Variants in DST observed in about 807,000 individuals in gnomAD.
The protein encoded by DST is dystonin, also known as bullous pemphigoid antigen.
In DST, 253 loss-of-function variants were observed where a neutral mutation model predicts 875.2. That is an observed-to-expected ratio of 0.29 (90% CI 0.26 to 0.32). The LOEUF is 0.32. Ranked by LOEUF, DST falls within the 10% of genes least tolerant of loss-of-function variation. The pLI is 1.00. For synonymous variants in DST, 3,124 were observed against 3,197.1 expected, an observed-to-expected ratio of 0.98 and a Z score of 0.77; for missense variants, 8,287 against 9,111.6, an observed-to-expected ratio of 0.91 and a Z score of 3.68.
intron 10 of DST, 24 bp downstream of exon 10, chr6:56,670,617 G>A (rs1358346518): frequency 6.9e-7 from 1 of 1,457,436 alleles, no homozygotes; most frequent in Admixed American, 2.4e-5. Context: ...AGTTGTATAA[G>A]GAAAAAATAC....
At chr6:56,739,507 G>A (rs928086792) in intron 4 of DST, among the ~76,000 whole-genome samples, 1 of 152,122 alleles carries the variant, frequency 6.6e-6, no homozygotes, top group Non-Finnish European at 1.5e-5. Flanking sequence ...TCAGAGGGGT[G>A]TGAACTAGAG....
At chr6:56,611,737 A>G in intron 37 of DST, 141 bp from the exon 38 acceptor site, 1 of 617,238 alleles carries the variant, frequency 1.6e-6, no homozygotes. Flanking sequence ...CCTATCAGTT[A>G]TTAGCAGTCT....
At position 56,917,477 on chromosome 6, in the gene DST, T is replaced by C. The variant is rs552827054; in HGVS notation, c.217-16856A>G. On this transcript the variant is annotated intron_variant, in intron 2 of 103. Transcript: ENST00000680361. ...TCTTTGACAATGCATTACATGGATA[T>C]CTGCATAAACTGTGCATAAGAAGTC... is the stretch of plus-strand genomic sequence containing the variant. Among the ~76,000 whole-genome samples the C allele has an allele frequency of 3.3e-5, 5 of 152,232 alleles. No individual in the cohort carries two copies. In the South Asian group the frequency reaches 1.0e-3, roughly 31 times the overall value.
In DST at chr6:56,459,056, C is replaced by A; in HGVS notation, c.23406G>T (p.Thr7802=). The A allele has an allele frequency of 6.2e-7, 1 of 1,613,866 alleles. No homozygotes were observed. The highest frequency in any genetic ancestry group is 8.5e-7 in the Non-Finnish European group (1 of 1,179,800). ...PSTAKPSKIP[T]PQRKSPASKL... ...TGCTGGCAGGTGATTTCCTCTGGGG[C>A]GTGGGGATTTTTGAAGGCTTCGCTG... Residue 7802 remains threonine (T), a synonymous_variant, in exon 104 of 104, where the codon ACG becomes ACT. Transcript: ENST00000680361.
At position 56,578,455 on chromosome 6, in the gene DST, G is replaced by GATAAAGACCCACTATTGATAA. The variant is rs1291204866; in HGVS notation, c.13027+358_13027+359insTTATCAATAGTGGGTCTTTAT. ...TTCCCACTATTGATAAAGACCCTCA[G>GATAAAGACCCACTATTGATAA]AGATTCTACTTTGGCCTTAAGTTGA... On this transcript the variant is annotated intron_variant, in intron 50 of 103. Transcript: ENST00000680361. 2.7e-4 allele frequency among the ~76,000 whole-genome samples: 41 copies of GATAAAGACCCACTATTGATAA among 152,274 alleles called. 1 individual carries two copies. The East Asian group carries it at 3.3e-3, about 12-fold the overall frequency.
intron 71 of DST, 62 bp downstream of exon 71, chr6:56,517,136 G>T: frequency 1.7e-6 from 2 of 1,207,596 alleles, no homozygotes; most frequent in South Asian, 2.5e-5. Flanking sequence ...TTCTAGGACT[G>T]AAAGCTCAAC....
At chr6:56,882,941 A>T (rs575684806) in intron 3 of DST, among the ~76,000 whole-genome samples, 2 of 152,288 alleles carry the variant, frequency 1.3e-5, no homozygotes, top group African/African-American at 4.8e-5. Flanking sequence ...ATCTCAGCTC[A>T]CTGCAACCTC....
chr6:56,492,795 C>T (rs2095794841), intron 84 of DST, 139 bp downstream of exon 84: 1 of 725,992 alleles, frequency 1.4e-6, no homozygotes, highest in East Asian at 2.9e-5. Flanking sequence ...ATCGCTTGAA[C>T]CGGGAGGCAG....
chr6:56,489,585 T>C lies in DST; in HGVS notation c.20782A>G (p.Met6928Val). Residue 6928 changes from methionine (M) to valine (V), a missense_variant, in exon 86 of 104, where the codon ATG becomes GTG. This residue lies in a region of DST where 1,292 missense variants were observed against 1,552.7 expected (regional missense o/e 0.83). Transcript: ENST00000680361. ...TTTTCTGACTCTTCTAGCCACTCCA[T>C]AAGTTTACTCCAAGCTTCATGGAAC... ...KQFHEAWSKL[M>V]EWLEESEKSL... 1 of 1,612,760 alleles carries C rather than the reference T, an allele frequency of 6.2e-7. No individual in the cohort carries two copies. Among genetic ancestry groups the C allele is most frequent in the Non-Finnish European group, 8.5e-7 (1 of 1,179,300 alleles).
intron 4 of DST, among the ~76,000 whole-genome samples, chr6:56,835,264 G>C (rs1263701780): frequency 6.6e-6 from 1 of 152,152 alleles, no homozygotes; most frequent in Non-Finnish European, 1.5e-5. Context: ...TACAATAATA[G>C]ACACATGATA....
chr6:56,508,118 T>A (rs1448533417), intron 75 of DST, among the ~76,000 whole-genome samples: 1 of 152,106 alleles, frequency 6.6e-6, no homozygotes, highest in Non-Finnish European at 1.5e-5. Context: ...GACTGTAACC[T>A]CCACCTCCCA....
chr6:56,948,731 ACC>A, intron 2 of DST, among the ~76,000 whole-genome samples: 1 of 152,200 alleles, frequency 6.6e-6, no homozygotes, highest in African/African-American at 2.4e-5. Context: ...GCTAGAAGCA[ACC>A]ATTTCACCAG....
At chr6:56,685,120 G>A (rs905683764) in intron 9 of DST, among the ~76,000 whole-genome samples, 2 of 151,950 alleles carry the variant, frequency 1.3e-5, no homozygotes, top group Non-Finnish European at 2.9e-5. Flanking sequence ...TAACCAAAAT[G>A]AGCTTCAAAA....
intron 63 of DST, among the ~76,000 whole-genome samples, chr6:56,533,448 AT>A (rs1021381332): frequency 2.0e-5 from 3 of 152,218 alleles, no homozygotes; most frequent in Non-Finnish European, 2.9e-5. Context: ...CTAAAAGAGT[AT>A]TTTGAGATCA....
At chr6:56,874,310 G>A (rs377294518) in intron 3 of DST, among the ~76,000 whole-genome samples, 1 of 152,088 alleles carries the variant, frequency 6.6e-6, no homozygotes, top group East Asian at 1.9e-4. Context: ...CTTCTCTCCT[G>A]CCTGGGCATC....
chr6:56,847,929 T>C (rs1165323313), intron 4 of DST, among the ~76,000 whole-genome samples: 1 of 152,254 alleles, frequency 6.6e-6, no homozygotes, highest in Admixed American at 6.5e-5. Context: ...GAGGGCACCA[T>C]ACTGCAAGTA....
In DST at chr6:56,505,334, G is replaced by A. The variant is rs1209539509; in HGVS notation, c.19464+1109C>T. On this transcript the variant is annotated intron_variant, in intron 77 of 103. Coordinates refer to ENST00000680361, the MANE Select transcript of DST (RefSeq NM_001374736.1). The stretch of plus-strand genomic sequence containing the variant: ...GTGGCTTGCGTGTGACCTCCTAAAT[G>A]GCTGCATGTGGTGGCATTGCCACCT... Among the ~76,000 whole-genome samples the A allele has an allele frequency of 9.9e-5, 15 of 152,188 alleles. No individual in the cohort carries two copies. The East Asian group carries it at 2.7e-3, about 27-fold the overall frequency.
At chr6:56,468,897 T>C (rs2094727634) in intron 98 of DST, 85 bp downstream of exon 98, 8 of 1,115,328 alleles carry the variant, frequency 7.2e-6, no homozygotes, top group South Asian at 1.5e-5. Context: ...ATGGGAAAGA[T>C]TGGCCATGGC....
At position 56,553,534 on chromosome 6, in the gene DST, T is replaced by A. The variant is rs1374409364; in HGVS notation, c.15258A>T (p.Ile5086=). Residue 5086 remains isoleucine, a synonymous_variant, in exon 61 of 104, where the codon ATA becomes ATT. Coordinates refer to ENST00000680361, the MANE Select transcript of DST (RefSeq NM_001374736.1). ...ACTCCAAGACATCGAGTTTGGCAGA[T>A]ATTGGATGAGATTTGTTTTGCTCTT... The part of the protein sequence containing the change: ...KKEEQNKSHP[I]SAKLDVLESL... The A allele has an allele frequency of 6.2e-7, 1 of 1,614,010 alleles. No homozygotes were observed. The highest frequency in any genetic ancestry group is 1.1e-5 in the South Asian group (1 of 91,072).
Sources: gnomAD v4.1 joint callset for allele counts (sites outside exome capture counted in the v4.1 genomes callset) on GRCh38, gnomAD v4.1.1 for gene constraint, gnomAD v4.1.1 regional missense constraint, MANE v1.5 for transcripts, NCBI Gene and HGNC (gene_info 2026-07-23, HGNC 2026-07-21) for gene names.